TNFRSF13B: variants seen among roughly 807,000 people sequenced by gnomAD.
TNFRSF13B encodes the protein tumor necrosis factor receptor superfamily member 13B.
A neutral mutation model predicts 24.0 loss-of-function variants in TNFRSF13B; 34 were observed. The ratio of observed to expected loss-of-function variants is 1.41; its 90% CI spans 1.08 to 1.88. TNFRSF13B has a LOEUF of 1.88. TNFRSF13B is among the 40% of genes most tolerant of loss of function. The probability of loss-of-function intolerance (pLI) is 0.00; values close to 1 mark genes in which losing one functional copy is unlikely to be tolerated. For synonymous variants in TNFRSF13B, 173 were observed against 150.3 expected, an observed-to-expected ratio of 1.15 and a Z score of -1.10; for missense variants, 415 against 380.8, an observed-to-expected ratio of 1.09 and a Z score of -0.75.
chr17:16,953,912 G>A (rs767666847), intron 1 of TNFRSF13B, among the ~76,000 whole-genome samples: 5 of 152,150 alleles, frequency 3.3e-5, no homozygotes, highest in African/African-American at 4.8e-5. Flanking sequence ...GATTACAAGT[G>A]CATGCTACCA....
chr17:16,968,141 C>CAAAAA (rs1455676355), intron 1 of TNFRSF13B, among the ~76,000 whole-genome samples: 3 of 31,686 alleles, frequency 9.5e-5, no homozygotes, highest in Admixed American at 3.5e-4. Flanking sequence ...AACCCTGTCT[C>CAAAAA]AAAAAAAAAA....
At chr17:16,952,613 G>A in intron 1 of TNFRSF13B, 30 bp from the exon 2 acceptor site, 1 of 1,614,066 alleles carries the variant, frequency 6.2e-7, no homozygotes, top group Non-Finnish European at 8.5e-7. Flanking sequence ...AGGGCAGCTG[G>A]CAGGCGGCCA....
At chr17:16,945,147 A>C (rs1402597518) in intron 3 of TNFRSF13B, among the ~76,000 whole-genome samples, 1 of 152,230 alleles carries the variant, frequency 6.6e-6, no homozygotes, top group Non-Finnish European at 1.5e-5. Context: ...GCGCCATGGC[A>C]CAAGTGTGGC....
At chr17:16,967,598 A>C (rs981987729) in intron 1 of TNFRSF13B, among the ~76,000 whole-genome samples, 1 of 151,534 alleles carries the variant, frequency 6.6e-6, no homozygotes, top group African/African-American at 2.4e-5. Flanking sequence ...TATATAAAAA[A>C]AAAATTAGCC....
intron 1 of TNFRSF13B, among the ~76,000 whole-genome samples, chr17:16,955,889 A>G (rs893734429): frequency 1.3e-5 from 2 of 152,260 alleles, no homozygotes; most frequent in Admixed American, 1.3e-4. Flanking sequence ...ATTCCATGGC[A>G]GTGCCACTTG....
intron 3 of TNFRSF13B, among the ~76,000 whole-genome samples, chr17:16,946,200 C>G (rs886350009): frequency 6.6e-6 from 1 of 152,234 alleles, no homozygotes; most frequent in Non-Finnish European, 1.5e-5. Flanking sequence ...CATCATCAGG[C>G]ACACAGGCCC....
At chr17:16,952,805 A>G (rs1008729461) in intron 1 of TNFRSF13B, among the ~76,000 whole-genome samples, 7 of 152,100 alleles carry the variant, frequency 4.6e-5, no homozygotes, top group African/African-American at 9.7e-5. Context: ...CCATCTGCAC[A>G]TGGTTGTTTT....
chr17:16,955,219 G>T (rs541191830), intron 1 of TNFRSF13B, among the ~76,000 whole-genome samples: 78 of 152,344 alleles, frequency 5.1e-4, no homozygotes, highest in Non-Finnish European at 8.4e-4. Flanking sequence ...AGGGTCACCT[G>T]ATATGGGAGC....
At chr17:16,943,656 C>T (rs965069850) in intron 3 of TNFRSF13B, among the ~76,000 whole-genome samples, 7 of 152,200 alleles carry the variant, frequency 4.6e-5, no homozygotes, top group South Asian at 2.1e-4. Context: ...GCCTCCCAGC[C>T]TGGCACATAG....
At chr17:16,945,466 C>T (rs75778413) in intron 3 of TNFRSF13B, among the ~76,000 whole-genome samples, 39 of 152,372 alleles carry the variant, frequency 2.6e-4, no homozygotes, top group African/African-American at 9.1e-4. Context: ...AGCTCACTCA[C>T]GCATTCCCTG....
chr17:16,969,931 G>A (rs529421337), intron 1 of TNFRSF13B, among the ~76,000 whole-genome samples: 2 of 152,264 alleles, frequency 1.3e-5, no homozygotes, highest in South Asian at 2.1e-4. Flanking sequence ...GCATATCACC[G>A]TGAAGGGTTG....
intron 3 of TNFRSF13B, among the ~76,000 whole-genome samples, chr17:16,946,490 ACCCTTCTTGC>A (rs2087548588): frequency 6.6e-6 from 1 of 151,634 alleles, no homozygotes; most frequent in Non-Finnish European, 1.5e-5. Context: ...GCTCAACAGG[ACCCTTCTTGC>A]CATGTCCAAA....
chr17:16,954,635 G>C (rs1184598186), intron 1 of TNFRSF13B, among the ~76,000 whole-genome samples: 2 of 152,236 alleles, frequency 1.3e-5, no homozygotes, highest in Non-Finnish European at 2.9e-5. Context: ...TGGGAAGGAA[G>C]TTGTTCTGAG....
rs2087488627 is a variant in TNFRSF13B, at chr17:16,939,365, C to T, written c.*182G>A. 2 of 686,604 alleles carry T rather than the reference C, an allele frequency of 2.9e-6. No homozygotes were observed. Among genetic ancestry groups the T allele is most frequent in the Non-Finnish European group, 4.5e-6 (2 of 442,030 alleles). The allele number at this position is 686,604 out of a possible 1,614,324, so 42.5% of individuals were successfully genotyped here. On this transcript the variant is annotated 3_prime_UTR_variant, in exon 5 of 5. Coordinates refer to ENST00000261652, the MANE Select transcript of TNFRSF13B (RefSeq NM_012452.3). Reference sequence around the variant, plus strand: ...CTTCTCTGCCTCTTTCCCTCTCTGCCTCTCTTCCCCTCTGTCTCTCTCTCC... The same window carrying T: ...CTTCTCTGCCTCTTTCCCTCTCTGCTTCTCTTCCCCTCTGTCTCTCTCTCC...
chr17:16,954,873 G>A (rs1295759947), intron 1 of TNFRSF13B, among the ~76,000 whole-genome samples: 1 of 152,192 alleles, frequency 6.6e-6, no homozygotes, highest in Non-Finnish European at 1.5e-5. Context: ...GTCCTTCCTG[G>A]CAACAGGGGA....
intron 1 of TNFRSF13B, among the ~76,000 whole-genome samples, chr17:16,961,997 A>G (rs986839985): frequency 3.9e-5 from 6 of 152,172 alleles, no homozygotes; most frequent in African/African-American, 1.4e-4. Flanking sequence ...CATGATGGTG[A>G]AGGACTTCCC....
chr17:16,939,962 C>T (rs897799142), intron 4 of TNFRSF13B, 165 bp from the exon 5 acceptor site: 14 of 1,122,316 alleles, frequency 1.2e-5, no homozygotes, highest in Non-Finnish European at 1.6e-5. Context: ...TGACCAGAAC[C>T]TGTGCCGGGG....
intron 2 of TNFRSF13B, among the ~76,000 whole-genome samples, chr17:16,950,396 A>G (rs531580455): frequency 1.1e-3 from 162 of 152,364 alleles, no homozygotes; most frequent in African/African-American, 3.8e-3. Context: ...CGTAATGGAA[A>G]GCTTAAGTAG....
rs147027540 is a variant in TNFRSF13B at position 16,952,770 on chromosome 17, C to A, written c.62-187G>T. On this transcript the variant is annotated intron_variant, in intron 1 of 4. Transcript: ENST00000261652. ...ACTTGCTAGGGGCCTGGGGCAGCCA[C>A]CTCCCCTCTCCAGCCTCAGTTTCCC... Among the ~76,000 whole-genome samples, 378 of 152,322 alleles carry A rather than the reference C, an allele frequency of 2.5e-3. 1 individual carries two copies. The highest frequency in any genetic ancestry group is 8.9e-3 in the African/African-American group (371 of 41,570).
Sources: allele counts gnomAD v4.1 joint callset (sites outside exome capture counted in the v4.1 genomes callset), GRCh38; gene constraint gnomAD v4.1.1; transcripts MANE v1.5; gene names NCBI Gene and HGNC (gene_info 2026-07-23, HGNC 2026-07-21).